VPS8: variants seen among roughly 807,000 people sequenced by gnomAD.
The protein encoded by VPS8 is VPS8 subunit of CORVET complex.
A neutral mutation model predicts 216.4 loss-of-function variants in VPS8; 129 were observed. That is an observed-to-expected ratio of 0.60 (90% CI 0.52 to 0.69). The LOEUF (loss-of-function observed/expected upper bound fraction) is 0.69. Ranked by LOEUF, VPS8 falls within the 30% of genes least tolerant of loss-of-function variation. The probability of loss-of-function intolerance (pLI) is 0.00; values close to 1 mark genes in which losing one functional copy is unlikely to be tolerated. For synonymous variants in VPS8, 571 were observed against 565.4 expected (o/e 1.01, Z -0.14); for missense variants, 1,531 against 1,683.5 (o/e 0.91, Z 1.59).
chr3:185,016,059 G>A (rs905490587), intron 45 of VPS8, among the ~76,000 whole-genome samples: 3 of 152,192 alleles, frequency 2.0e-5, no homozygotes, highest in African/African-American at 7.2e-5. Context: ...GTTAGTTGCC[G>A]AGGGCTAGTG....
At chr3:185,021,612 A>G (rs1401046802) in intron 45 of VPS8, among the ~76,000 whole-genome samples, 1 of 152,210 alleles carries the variant, frequency 6.6e-6, no homozygotes, top group Non-Finnish European at 1.5e-5. Context: ...CAGCGTATTA[A>G]TGTCATGGTA....
intron 7 of VPS8, 63 bp downstream of exon 7, chr3:184,839,815 C>A: frequency 1.3e-6 from 2 of 1,545,480 alleles, no homozygotes; most frequent in Middle Eastern, 1.9e-4. Context: ...TTATAATGTC[C>A]TTTAATCACA....
In VPS8 at chr3:184,999,027, G is replaced by A. The variant is rs950566522; in HGVS notation, c.3837-669G>A. Among the ~76,000 whole-genome samples the A allele has an allele frequency of 2.0e-5, 3 of 151,506 alleles. No homozygotes were observed. In the East Asian group the frequency reaches 5.8e-4, roughly 29 times the overall value. ...CTCCTGAGTATCTGGGACTACAGGT[G>A]TGTGCCACCACACCTGGCTAATTTT... is the stretch of plus-strand genomic sequence containing the variant. On this transcript the variant is annotated intron_variant, in intron 44 of 47. Transcript: ENST00000625842.
intron 21 of VPS8, among the ~76,000 whole-genome samples, chr3:184,883,241 C>G (rs1467647105): frequency 6.6e-6 from 1 of 152,144 alleles, no homozygotes; most frequent in East Asian, 1.9e-4. Flanking sequence ...TTTGTGACTG[C>G]TTTTCATCTC....
At chr3:184,994,190 A>G in intron 43 of VPS8, 127 bp downstream of exon 43, 2 of 604,476 alleles carry the variant, frequency 3.3e-6, no homozygotes, top group South Asian at 3.0e-5. Context: ...ACTGAGGTGT[A>G]TGTGTGTGTA....
chr3:184,886,118 G>A lies in VPS8; in HGVS notation c.1743G>A (p.Val581=). 6.2e-7 allele frequency: 1 copy of A among 1,609,370 alleles called. No homozygotes were observed. The highest frequency in any genetic ancestry group is 2.2e-5 in the East Asian group (1 of 44,764). Residue 581 remains valine (V), a synonymous_variant, in exon 22 of 48, where the codon GTG becomes GTA. Transcript: ENST00000625842. ...TTATGGTTCCTCTACAGGATATGGT[G>A]CCTGTCATAGTTGATTACTGCCTTC... ...QVMEQHFQDM[V]PVIVDYCLLL...
At chr3:184,930,610 C>A in intron 34 of VPS8, 42 bp downstream of exon 34, 1 of 1,437,844 alleles carries the variant, frequency 7.0e-7, no homozygotes, top group Non-Finnish European at 9.8e-7. Flanking sequence ...TCTGAACGAT[C>A]ATCTAACCCA....
At chr3:184,867,075 T>A in intron 17 of VPS8, 125 bp downstream of exon 17, 1 of 792,258 alleles carries the variant, frequency 1.3e-6, no homozygotes, top group Non-Finnish European at 1.9e-6. Flanking sequence ...TCCTAAACCC[T>A]TTGTGGTTAG....
chr3:185,001,574 T>A (rs1227353225), intron 45 of VPS8, among the ~76,000 whole-genome samples: 2 of 152,120 alleles, frequency 1.3e-5, no homozygotes, highest in African/African-American at 4.8e-5. Context: ...CATAAGCTCC[T>A]CAACCCCACC....
chr3:184,815,302 T>C (rs573217694), intron 1 of VPS8, among the ~76,000 whole-genome samples: 1 of 152,348 alleles, frequency 6.6e-6, no homozygotes, highest in East Asian at 1.9e-4. Context: ...TGTATGTGCT[T>C]AGCTTTTATA....
In VPS8 at chr3:184,904,026, C is replaced by T. The variant is rs889487415; in HGVS notation, c.2146+3054C>T. 3.3e-5 allele frequency among the ~76,000 whole-genome samples: 5 copies of T among 151,898 alleles called. No homozygotes were observed. In the South Asian group the frequency reaches 8.3e-4, roughly 25 times the overall value. On this transcript the variant is annotated intron_variant, in intron 25 of 47. Transcript: ENST00000625842. ...ATGCTGTTATAAATGAAATTGTTTC[C>T]TTAATTTTATTTTCAGGATTTGCTG...
At chr3:184,928,390 T>G in intron 31 of VPS8, 61 bp from the exon 32 acceptor site, 1 of 1,389,286 alleles carries the variant, frequency 7.2e-7, no homozygotes, top group Non-Finnish European at 9.7e-7. Context: ...CATGGCTGAA[T>G]GCACTCTTAA....
intron 35 of VPS8, among the ~76,000 whole-genome samples, chr3:184,939,002 C>T (rs1319286559): frequency 6.8e-6 from 1 of 148,072 alleles, no homozygotes; most frequent in Non-Finnish European, 1.5e-5. Flanking sequence ...TGCACTCCAG[C>T]CTGGGTGACA....
chr3:185,021,315 G>C (rs1756624264), intron 45 of VPS8, among the ~76,000 whole-genome samples: 1 of 152,100 alleles, frequency 6.6e-6, no homozygotes, highest in South Asian at 2.1e-4. Context: ...CCTGTTAAAT[G>C]AAAAAATAAG....
At chr3:184,902,120 C>CG (rs968425422) in intron 25 of VPS8, among the ~76,000 whole-genome samples, 9 of 149,514 alleles carry the variant, frequency 6.0e-5, no homozygotes, top group Non-Finnish European at 8.9e-5. Flanking sequence ...AGCCCCCCCC[C>CG]CCTTTTTTTT....
rs559580919 is a variant in VPS8 at position 185,012,664 on chromosome 3, T to TA, written c.4003-11661dup. ...TAAGAATGATGGCTGATTTCTCATTTAAAAAAAAAAAGAGGCCAGAAGACA... is the reference window on the plus strand; with the variant it reads ...TAAGAATGATGGCTGATTTCTCATTTAAAAAAAAAAAAGAGGCCAGAAGACA... On this transcript the variant is annotated intron_variant, in intron 45 of 47. Transcript: ENST00000625842. 7.2e-4 allele frequency among the ~76,000 whole-genome samples: 105 copies of TA among 145,488 alleles called. 3 individuals carry two copies. In the Middle Eastern group the frequency reaches 0.018, roughly 25 times the overall value.
rs535617562 is a variant in VPS8, at chr3:185,049,785, C to G, written c.4137+1226C>G. On this transcript the variant is annotated intron_variant, in intron 47 of 47. Coordinates refer to ENST00000625842, the MANE Select transcript of VPS8 (RefSeq NM_001009921.3). The stretch of plus-strand genomic sequence containing the variant: ...TCCTCTGCTTCTCTACCTGGGCCCC[C>G]TTCACGCACTCCCCTTTCTTAGGCA... 2.2e-3 allele frequency among the ~76,000 whole-genome samples: 339 copies of G among 152,254 alleles called. 1 individual carries two copies. The highest frequency in any genetic ancestry group is 7.8e-3 in the African/African-American group (326 of 41,546).
chr3:184,985,486 C>G (rs1750922012), intron 42 of VPS8, among the ~76,000 whole-genome samples: 1 of 152,168 alleles, frequency 6.6e-6, no homozygotes, highest in African/African-American at 2.4e-5. Flanking sequence ...TGTGCTGATA[C>G]AACTATTCAT....
chr3:185,034,572 C>T (rs1192170327), intron 46 of VPS8, among the ~76,000 whole-genome samples: 1 of 152,038 alleles, frequency 6.6e-6, no homozygotes, highest in Admixed American at 6.6e-5. Context: ...AATATCTCCT[C>T]CTGTTCTGTA....
Sources: gnomAD v4.1 joint callset for allele counts (sites outside exome capture counted in the v4.1 genomes callset) on GRCh38, gnomAD v4.1.1 for gene constraint, MANE v1.5 for transcripts, NCBI Gene and HGNC (gene_info 2026-07-23, HGNC 2026-07-21) for gene names.